MFSD12: variants seen among roughly 807,000 people sequenced by gnomAD.
MFSD12 encodes major facilitator superfamily domain-containing protein 12.
In MFSD12, 67 loss-of-function variants were observed where a neutral mutation model predicts 51.2. That is an observed-to-expected ratio of 1.31 (90% CI 1.08 to 1.60). The LOEUF (loss-of-function observed/expected upper bound fraction) is 1.60. MFSD12 is among the 40% of genes most tolerant of loss of function. The pLI is 0.00. For missense variants in MFSD12, 921 were observed against 673.0 expected, an observed-to-expected ratio of 1.37 and a Z score of -4.08; for synonymous variants, 441 against 316.7, an observed-to-expected ratio of 1.39 and a Z score of -4.17.
At chr19:3,557,006 G>C in intron 1 of MFSD12, 100 bp downstream of exon 1, 1 of 931,960 alleles carries the variant, frequency 1.1e-6, no homozygotes, top group East Asian at 1.2e-4. Context: ...CTCCGATCCT[G>C]AGGCAGGCAG....
Position 3,557,100 on chromosome 19 carries a change from G to A in MFSD12, c.298+6C>T, listed in dbSNP as rs1199342006. On this transcript the variant is annotated splice_donor_region_variant and intron_variant, in intron 1 of 9. Transcript: ENST00000355415. ...GCCCGACAGGTGGCGGGGCCGGGAC[G>A]CTTACCGACCAGGTGCCAGGCCTTG... is the stretch of plus-strand genomic sequence containing the variant. 6 of 1,462,528 alleles carry A rather than the reference G, an allele frequency of 4.1e-6. No individual in the cohort carries two copies. Among genetic ancestry groups the A allele is most frequent in the Non-Finnish European group, 5.4e-6 (6 of 1,113,582 alleles). The allele number at this position is 1,462,528 out of a possible 1,614,324, so 90.6% of individuals were successfully genotyped here.
chr19:3,555,933 A>G (rs1362235849), intron 1 of MFSD12, among the ~76,000 whole-genome samples: 1 of 152,194 alleles, frequency 6.6e-6, no homozygotes, highest in Non-Finnish European at 1.5e-5. Context: ...GCAGCCCTGC[A>G]GTCTTATCGA....
chr19:3,550,199 C>T lies in MFSD12; in HGVS notation c.509+785G>A, dbSNP rs117947223. On this transcript the variant is annotated intron_variant, in intron 2 of 9. Transcript: ENST00000355415. ...AAGACAGACCCTGAAGCCCAACAGCCCTCTCCCCCTAGCTCAGCCATGCTG... is the reference window on the plus strand; with the variant it reads ...AAGACAGACCCTGAAGCCCAACAGCTCTCTCCCCCTAGCTCAGCCATGCTG... 8.2e-3 allele frequency among the ~76,000 whole-genome samples: 1,254 copies of T among 152,242 alleles called. 9 individuals carry two copies. Among genetic ancestry groups the T allele is most frequent in the Non-Finnish European group, 0.011 (755 of 68,014 alleles).
chr19:3,539,046 C>T, intron 4 of MFSD12: 1 of 655,462 alleles, frequency 1.5e-6, no homozygotes, highest in South Asian at 1.7e-5. Flanking sequence ...CAGCCCTTCC[C>T]TCGAGGCCAC....
intron 2 of MFSD12, among the ~76,000 whole-genome samples, chr19:3,549,103 T>A (rs1448594198): frequency 6.6e-6 from 1 of 152,074 alleles, no homozygotes; most frequent in African/African-American, 2.4e-5. Flanking sequence ...GAAGCTGAGA[T>A]TCATGTTAAG....
intron 1 of MFSD12, among the ~76,000 whole-genome samples, chr19:3,555,966 C>T (rs1474699998): frequency 1.3e-5 from 2 of 152,196 alleles, no homozygotes; most frequent in Non-Finnish European, 2.9e-5. Flanking sequence ...CAGGGTGACC[C>T]AGCCCATGAC....
rs942228901 is a variant in MFSD12, at chr19:3,557,333, C to G, written c.71G>C (p.Ser24Thr). The G allele has an allele frequency of 1.3e-6, 2 of 1,558,424 alleles. No individual in the cohort carries two copies. The highest frequency in any genetic ancestry group is 2.8e-5 in the African/African-American group (2 of 70,658). The stretch of plus-strand genomic sequence containing the variant: ...GTTGAGGAAGTGGCCCACGGCGTAG[C>G]TCAGCCGCGCCACCAGGGACAGCGG... ...PRPLSLVARL[S>T]YAVGHFLNDL... The change falls in exon 1 of 10, where the codon AGC (serine) becomes ACC (threonine). Residue 24 changes from serine to threonine, a missense_variant. Transcript: ENST00000355415.
chr19:3,548,324 C>A, intron 2 of MFSD12, 57 bp from the exon 3 acceptor site: 1 of 1,533,910 alleles, frequency 6.5e-7, no homozygotes. Context: ...GTCACTTCCT[C>A]CCCACGTGGC....
chr19:3,551,771 G>A lies in MFSD12; in HGVS notation c.299-577C>T, dbSNP rs1483044905. 1.3e-5 allele frequency among the ~76,000 whole-genome samples: 2 copies of A among 152,036 alleles called. No individual in the cohort carries two copies. The highest frequency in any genetic ancestry group is 4.8e-5 in the African/African-American group (2 of 41,396). On this transcript the variant is annotated intron_variant, in intron 1 of 9. Transcript: ENST00000355415. This position sits in a 1 kb window ranked among gnomAD's most constrained non-coding sequence, Gnocchi z 4.6. ...CTGGAACAAATGTAAGATCCTCCCC[G>A]CAGCCCACGGAGCCCTTTGCGACCT...
At chr19:3,543,787 C>A, downstream of MFSD12, 1 of 1,494,110 alleles carries the variant, frequency 6.7e-7, no homozygotes, top group Non-Finnish European at 9.0e-7. Context: ...TGGCCAACGG[C>A]GAGGAGGTGG....
chr19:3,541,798 A>G, downstream of MFSD12: 12 of 984,762 alleles, frequency 1.2e-5, no homozygotes, highest in Non-Finnish European at 1.3e-5. Flanking sequence ...TTCTCATTGA[A>G]TATTATTCTG....
chr19:3,549,593 G>C (rs990711968), intron 2 of MFSD12, among the ~76,000 whole-genome samples: 3 of 151,716 alleles, frequency 2.0e-5, no homozygotes, highest in East Asian at 2.0e-4. Context: ...GGTGGTGGCG[G>C]GTGCCTGTAG....
At chr19:3,542,354 C>T, downstream of MFSD12, 1 of 985,442 alleles carries the variant, frequency 1.0e-6, no homozygotes, top group Non-Finnish European at 1.2e-6. Context: ...CCGTGCAGGG[C>T]AGATGAGATT....
At chr19:3,541,706 A>G, downstream of MFSD12, 2 of 985,280 alleles carry the variant, frequency 2.0e-6, no homozygotes, top group Non-Finnish European at 2.4e-6. Flanking sequence ...GAGTGCATGT[A>G]CCACCTGCTC....
Position 3,550,981 on chromosome 19 carries a change from C to T in MFSD12, c.509+3G>A, listed in dbSNP as rs368871522. ...CCGTGGGGGAGGGTGCCCAGGCTCC[C>T]ACCTGAGTGCCGTGAGCTCCACCTT... On this transcript the variant is annotated splice_donor_region_variant and intron_variant, in intron 2 of 9. Transcript: ENST00000355415. 11 of 1,609,962 alleles carry T rather than the reference C, an allele frequency of 6.8e-6. No homozygotes were observed. The African/African-American group carries it at 1.5e-4, about 22-fold the overall frequency.
intron 4 of MFSD12, chr19:3,539,136 C>T (rs2030137324): frequency 7.0e-7 from 1 of 1,432,142 alleles, no homozygotes; most frequent in African/African-American, 1.4e-5. Context: ...CAACGGTGGC[C>T]TCAGAGGCCT....
rs1413607821 is a variant in MFSD12, at chr19:3,546,412, GAGA to G, written c.1034_1036del (p.Phe345del). The G allele has an allele frequency of 1.9e-6, 3 of 1,606,334 alleles. No homozygotes were observed. Among genetic ancestry groups the G allele is most frequent in the Non-Finnish European group, 8.5e-7 (1 of 1,177,202 alleles). ...AAAGGCCAGGATCACCAGGAGGCCT[GAGA>G]AGTAGGTCATCTGCAGGGACAGCCC... On this transcript the variant is annotated inframe_deletion, in exon 7 of 10. Transcript: ENST00000355415.
At chr19:3,549,259 C>T (rs1246333041) in intron 2 of MFSD12, among the ~76,000 whole-genome samples, 3 of 152,160 alleles carry the variant, frequency 2.0e-5, no homozygotes, top group Non-Finnish European at 4.4e-5. Flanking sequence ...CTAAGGCAGC[C>T]CCAGAGAGGC....
At chr19:3,545,801 C>T (rs142911613) in intron 8 of MFSD12, among the ~76,000 whole-genome samples, 89 of 152,324 alleles carry the variant, frequency 5.8e-4, no homozygotes, top group African/African-American at 1.9e-3. Flanking sequence ...CTGGGTTACA[C>T]GGACTCGGGG....
Sources: gnomAD v4.1 joint callset for allele counts (sites outside exome capture counted in the v4.1 genomes callset) on GRCh38, gnomAD v4.1.1 for gene constraint, Gnocchi (gnomAD v3.1) non-coding constraint, MANE v1.5 for transcripts, NCBI Gene and HGNC (gene_info 2026-07-23, HGNC 2026-07-21) for gene names.